PANK2: variants seen among roughly 807,000 people sequenced by gnomAD.
The protein encoded by PANK2 is pantothenate kinase 2, mitochondrial.
Under a neutral mutation model 43.1 loss-of-function variants are expected in PANK2, and 36 were observed. The ratio of observed to expected loss-of-function variants is 0.84; its 90% CI spans 0.64 to 1.10. The LOEUF is 1.10. PANK2 is among the 50% of genes least tolerant of loss of function. The probability of loss-of-function intolerance (pLI) is 0.00; values close to 1 mark genes in which losing one functional copy is unlikely to be tolerated. For synonymous variants in PANK2, 281 were observed against 238.2 expected (o/e 1.18, Z -1.66); for missense variants, 576 against 593.3 (o/e 0.97, Z 0.30).
rs1336534047 is a variant in PANK2, at chr20:3,928,434, C to T, written c.*5140C>T. 1.3e-5 allele frequency: 2 copies of T among 152,230 alleles called. No homozygotes were observed. Among genetic ancestry groups the T allele is most frequent in the Non-Finnish European group, 2.9e-5 (2 of 68,090 alleles). 9.4% of individuals were successfully genotyped at this position (152,230 alleles called of 1,614,324 possible). On this transcript the variant is annotated 3_prime_UTR_variant, in exon 7 of 7. Transcript: ENST00000610179. ...GCCTGGAGGAAGCAGCTCTAACTTTCATCAGCGGGGACAAAAATGAACTTA... is the reference window on the plus strand; with the variant it reads ...GCCTGGAGGAAGCAGCTCTAACTTTTATCAGCGGGGACAAAAATGAACTTA...
chr20:3,889,005 C>T, upstream of PANK2: 2 of 1,009,546 alleles, frequency 2.0e-6, no homozygotes, highest in Non-Finnish European at 1.4e-6. Context: ...GAGGACGGCA[C>T]GGAGCAGCGG....
chr20:3,889,125 C>T, upstream of PANK2: 2 of 1,554,062 alleles, frequency 1.3e-6, no homozygotes, highest in South Asian at 1.2e-5. Context: ...GCCCTTCCAC[C>T]CACGCGTCCA....
At chr20:3,890,045 A>G in intron 1 of PANK2, 1 of 839,886 alleles carries the variant, frequency 1.2e-6, no homozygotes, top group Non-Finnish European at 1.7e-6. Context: ...ATCCTCGAGA[A>G]GGCTTCTTTT....
chr20:3,910,966 TGAAAATTCTGATTTTATGACCTAG>T, intron 3 of PANK2, 136 bp downstream of exon 3: 1 of 1,115,314 alleles, frequency 9.0e-7, no homozygotes, highest in Non-Finnish European at 1.3e-6. Flanking sequence ...TGTTTCTCTT[TGAAAATTCTGATTTTATGACCTAG>T]TTTTCTTTAA....
At chr20:3,922,704 T>C (rs1322245699) in intron 6 of PANK2, among the ~76,000 whole-genome samples, 1 of 152,136 alleles carries the variant, frequency 6.6e-6, no homozygotes, top group Non-Finnish European at 1.5e-5. Flanking sequence ...TCGGGGATGC[T>C]GCCCCCTCCT....
chr20:3,927,863 C>A lies in PANK2; in HGVS notation c.*4569C>A, dbSNP rs1049014412. ...TCTGCTGACACTGGTGGGGCCCTTA[C>A]AGTCACAGAAGTAAGGACTGGATGG... On this transcript the variant is annotated 3_prime_UTR_variant, in exon 7 of 7. Coordinates refer to ENST00000610179, the MANE Select transcript of PANK2 (RefSeq NM_001386393.1). 2 of 152,226 alleles carry A rather than the reference C, an allele frequency of 1.3e-5. No homozygotes were observed. Among genetic ancestry groups the A allele is most frequent in the Admixed American group, 6.5e-5 (1 of 15,288 alleles). 9.4% of individuals were successfully genotyped at this position (152,226 alleles called of 1,614,324 possible).
intron 1 of PANK2, among the ~76,000 whole-genome samples, chr20:3,905,200 A>G (rs1480584761): frequency 1.3e-5 from 2 of 152,006 alleles, no homozygotes; most frequent in African/African-American, 4.8e-5. Context: ...TTGTTTCCCC[A>G]TGGTAGCCGC....
At position 3,915,324 on chromosome 20, in the gene PANK2, G is replaced by A. The variant is rs184349611; in HGVS notation, c.1083-1603G>A. Among the ~76,000 whole-genome samples, 5 of 151,846 alleles carry A rather than the reference G, an allele frequency of 3.3e-5. 1 individual carries two copies. The highest frequency in any genetic ancestry group is 7.4e-5 in the Non-Finnish European group (5 of 67,958). ...TTTTCTTTTTTTCTTTTTTGAGATG[G>A]AGTCTTGCTCTGTCACCAGGCTGGA... On this transcript the variant is annotated intron_variant, in intron 4 of 6. Transcript: ENST00000610179.
Position 3,910,737 on chromosome 20 carries a change from A to G in PANK2, c.812A>G (p.Asn271Ser). Residue 271 changes from asparagine to serine, a missense_variant, in exon 3 of 7, where the codon AAT becomes AGT. Physicochemically the swap from Asn to Ser is conservative, Grantham distance 46 (BLOSUM62 1). Coordinates refer to ENST00000610179, the MANE Select transcript of PANK2 (RefSeq NM_001386393.1). Reference sequence around the variant, plus strand: ...CAGAAGTTACCATTTGATTTGAAAAATCCGTATCCTCTGCTTCTGGTGAAC... The same window carrying G: ...CAGAAGTTACCATTTGATTTGAAAAGTCCGTATCCTCTGCTTCTGGTGAAC... 2 of 1,614,160 alleles carry G rather than the reference A, an allele frequency of 1.2e-6. No homozygotes were observed. The highest frequency in any genetic ancestry group is 1.7e-6 in the Non-Finnish European group (2 of 1,180,026).
At chr20:3,888,839 A>T, upstream of PANK2, 1 of 471,252 alleles carries the variant, frequency 2.1e-6, no homozygotes, top group East Asian at 3.3e-5. Context: ...TAGCCCAAAC[A>T]TGCTGGGGGA....
chr20:3,918,895 G>A (rs1364895150), intron 6 of PANK2, 99 bp downstream of exon 6: 1 of 1,583,620 alleles, frequency 6.3e-7, no homozygotes, highest in African/African-American at 1.3e-5. Context: ...GAAATGGGCT[G>A]CAGTGTTTCT....
At chr20:3,893,610 T>C (rs759387174) in intron 1 of PANK2, among the ~76,000 whole-genome samples, 27 of 152,150 alleles carry the variant, frequency 1.8e-4, no homozygotes, top group Non-Finnish European at 3.5e-4. Flanking sequence ...AGGCATGTTG[T>C]AGCATGCCAG....
Position 3,917,209 on chromosome 20 carries a change from C to CT in PANK2, c.1206+173dup, listed in dbSNP as rs368246657. Among the ~76,000 whole-genome samples the CT allele has an allele frequency of 7.1e-3, 1,016 of 143,100 alleles. 10 individuals carry two copies. The highest frequency in any genetic ancestry group is 0.02 in the African/African-American group (795 of 39,178). The allele number at this position is 143,100 out of a possible 152,430, so 93.9% of individuals were successfully genotyped here. A position where few individuals can be genotyped will look rare whatever the true frequency, so the allele number is the denominator to read the frequency against. On this transcript the variant is annotated intron_variant, in intron 5 of 6. Coordinates refer to ENST00000610179, the MANE Select transcript of PANK2 (RefSeq NM_001386393.1). ...AACTCTTCAAATACAGATTAATCTT[C>CT]TTTTTTTTTTTTTTAAACTGAAGAT...
chr20:3,889,421 G>A lies in PANK2; in HGVS notation c.-10G>A, dbSNP rs771710781. ...GGACTGCCGCGGAGGAGGCGAGAAGGAATCCGACGCTGGGGGGCTTGCTCG... is the reference window on the plus strand; with the variant it reads ...GGACTGCCGCGGAGGAGGCGAGAAGAAATCCGACGCTGGGGGGCTTGCTCG... On this transcript the variant is annotated 5_prime_UTR_variant, in exon 1 of 7. Transcript: ENST00000610179. The A allele has an allele frequency of 1.1e-5, 17 of 1,569,274 alleles. No individual in the cohort carries two copies. The highest frequency in any genetic ancestry group is 2.3e-5 in the East Asian group (1 of 42,818).
intron 1 of PANK2, among the ~76,000 whole-genome samples, chr20:3,896,668 C>T (rs542423084): frequency 6.6e-6 from 1 of 152,028 alleles, no homozygotes; most frequent in Non-Finnish European, 1.5e-5. Flanking sequence ...ATTATACCTA[C>T]TAATGAAGCC....
rs1301282666 is a variant in PANK2 at position 3,908,220 on chromosome 20, A to T, written c.593A>T (p.His198Leu). ...AGAGATAAAAACTTCTCGAGTCTCC[A>T]CACTGTCTTTTGTGCCACTGGAGGT... The change falls in exon 2 of 7, where the codon CAC becomes CTC. Residue 198 changes from histidine to leucine, a missense_variant. His to Leu is a moderately conservative substitution (Grantham distance 99, BLOSUM62 -3). This residue lies in a region of PANK2 where 544 missense variants were observed against 528.9 expected (regional missense o/e 1.03). Coordinates refer to ENST00000610179, the MANE Select transcript of PANK2 (RefSeq NM_001386393.1). The T allele has an allele frequency of 4.3e-6, 7 of 1,613,290 alleles. No individual in the cohort carries two copies. Among genetic ancestry groups the T allele is most frequent in the African/African-American group, 1.3e-5 (1 of 74,934 alleles).
At chr20:3,896,229 A>ATTTTTTTT (rs35978823) in intron 1 of PANK2, among the ~76,000 whole-genome samples, 285 of 111,708 alleles carry the variant, frequency 2.6e-3, no homozygotes, top group Non-Finnish European at 2.9e-3. Context: ...CGCCTGGCTA[A>ATTTTTTTT]TTTTTTTTTT....
intron 5 of PANK2, 125 bp downstream of exon 5, chr20:3,917,175 C>A: frequency 8.1e-7 from 1 of 1,235,688 alleles, no homozygotes; most frequent in African/African-American, 1.5e-5. Context: ...TGTTTTAGCA[C>A]GAAGTTAAAA....
At chr20:3,919,273 G>A (rs1246627818) in intron 6 of PANK2, among the ~76,000 whole-genome samples, 1 of 152,128 alleles carries the variant, frequency 6.6e-6, no homozygotes, top group African/African-American at 2.4e-5. Flanking sequence ...CTAATGCAAG[G>A]TAAATTTTGG....
Sources: allele counts gnomAD v4.1 joint callset (sites outside exome capture counted in the v4.1 genomes callset), GRCh38; gene constraint gnomAD v4.1.1; regional missense constraint gnomAD v4.1.1; transcripts MANE v1.5; gene names NCBI Gene and HGNC (gene_info 2026-07-23, HGNC 2026-07-21).